The following NOX5 variants were observed in gnomAD, a reference collection of about 807,000 sequenced individuals.
NOX5 encodes NADPH oxidase 5, also known as NADPH oxidase, EF-hand calcium binding domain 5.
A neutral mutation model predicts 85.7 loss-of-function variants in NOX5; 76 were observed. That is an observed-to-expected ratio of 0.89 (90% CI 0.74 to 1.07). The LOEUF is 1.07. Ranked by LOEUF, NOX5 falls within the 50% of genes least tolerant of loss-of-function variation. The pLI, the probability that NOX5 is intolerant of heterozygous loss-of-function variation, is 0.00. For synonymous variants in NOX5, 405 were observed against 401.4 expected, an observed-to-expected ratio of 1.01 and a Z score of -0.11; for missense variants, 973 against 999.5, an observed-to-expected ratio of 0.97 and a Z score of 0.36.
chr15:69,039,040 C>A, intron 9 of NOX5, 51 bp downstream of exon 9: 1 of 1,598,242 alleles, frequency 6.3e-7, no homozygotes, highest in Non-Finnish European at 8.6e-7. Flanking sequence ...GAGTTCCTAC[C>A]GTGGGCCAAG....
At chr15:69,033,676 G>GT (rs113163030) in intron 5 of NOX5, among the ~76,000 whole-genome samples, 4,613 of 134,952 alleles carry the variant, frequency 0.034, 214 homozygotes, top group East Asian at 0.18. Context: ...TCTAAGAGGT[G>GT]TTTTTTTTTT....
At chr15:69,054,798 C>A (rs2050790340) in intron 14 of NOX5, among the ~76,000 whole-genome samples, 2 of 152,172 alleles carry the variant, frequency 1.3e-5, no homozygotes, top group African/African-American at 4.8e-5. Context: ...TCCAAATTAC[C>A]TTTTCATGTG....
In NOX5 at chr15:69,044,012, C is replaced by T. The variant is rs537920573; in HGVS notation, c.1647+1207C>T. On this transcript the variant is annotated intron_variant, in intron 10 of 15. Coordinates refer to ENST00000388866, the MANE Select transcript of NOX5 (RefSeq NM_024505.4). ...CATCCTGGCCAACATGGTGAAACCA[C>T]GTCTCTACTAAAAACACAAAAATTA... is the stretch of plus-strand genomic sequence containing the variant. Among the ~76,000 whole-genome samples, 11 of 152,210 alleles carry T rather than the reference C, an allele frequency of 7.2e-5. No individual in the cohort carries two copies. The East Asian group carries it at 1.2e-3, about 16-fold the overall frequency.
At chr15:69,035,615 G>A (rs1411389477) in intron 6 of NOX5, 108 bp downstream of exon 6, 3 of 1,551,364 alleles carry the variant, frequency 1.9e-6, no homozygotes, top group African/African-American at 1.4e-5. Context: ...GGCAGAGAAG[G>A]GGTGCCCTGG....
chr15:69,036,083 T>C, intron 7 of NOX5, 147 bp downstream of exon 7: 1 of 1,119,600 alleles, frequency 8.9e-7, no homozygotes, highest in Non-Finnish European at 1.2e-6. Context: ...CCTGCTGCTG[T>C]GTTCTGCCAC....
chr15:69,046,719 C>A, intron 10 of NOX5, 103 bp from the exon 11 acceptor site: 1 of 1,101,970 alleles, frequency 9.1e-7, no homozygotes, highest in Non-Finnish European at 1.3e-6. Context: ...AAAGCAATTC[C>A]CTTTTTATAA....
At chr15:69,045,572 C>CCTTTCTTTCTTTTCTTT (rs2050659335) in intron 10 of NOX5, among the ~76,000 whole-genome samples, 1 of 10,462 alleles carries the variant, frequency 9.6e-5, no homozygotes, top group Non-Finnish European at 2.3e-4. Flanking sequence ...TTCTTTCTTC[C>CCTTTCTTTCTTTTCTTT]CTTTCTTTCT....
At chr15:69,020,308 T>C (rs2050281628) in intron 1 of NOX5, among the ~76,000 whole-genome samples, 1 of 152,336 alleles carries the variant, frequency 6.6e-6, no homozygotes, top group South Asian at 2.1e-4. Context: ...CATATGCAGA[T>C]CTACAGATCA....
chr15:69,034,838 G>A (rs2050490615), intron 5 of NOX5, among the ~76,000 whole-genome samples: 2 of 152,242 alleles, frequency 1.3e-5, no homozygotes, highest in East Asian at 3.9e-4. Context: ...AAACGCCTGG[G>A]CTCAAGCAAT....
Position 69,060,193 on chromosome 15 carries a change from A to G in NOX5, c.*3497A>G, listed in dbSNP as rs1225057334. 6.6e-6 allele frequency: 1 copy of G among 152,288 alleles called. No individual in the cohort carries two copies. The highest frequency in any genetic ancestry group is 1.5e-5 in the Non-Finnish European group (1 of 68,094). The allele number at this position is 152,288 out of a possible 1,614,324, so 9.4% of individuals were successfully genotyped here. A position where few individuals can be genotyped will look rare whatever the true frequency, so the allele number is the denominator to read the frequency against. ...AGGGCCCTCCTGGACGAGCGGCACA[A>G]GTGCAGGCTATTAATACACTGAGCT... On this transcript the variant is annotated 3_prime_UTR_variant, in exon 16 of 16. Coordinates refer to ENST00000388866, the MANE Select transcript of NOX5 (RefSeq NM_024505.4).
chr15:69,037,666 A>C (rs577225680), intron 8 of NOX5: 1 of 156,674 alleles, frequency 6.4e-6, no homozygotes, highest in Admixed American at 6.3e-5. Context: ...ATGCCATATC[A>C]GGGTTTTGAG....
chr15:69,047,439 C>G lies in NOX5; in HGVS notation c.1719C>G (p.Thr573=), dbSNP rs747219195. The G allele has an allele frequency of 1.9e-6, 3 of 1,613,674 alleles. No individual in the cohort carries two copies. The Admixed American group carries it at 5.0e-5, about 27-fold the overall frequency. The part of the protein sequence containing the change: ...IKCYIDGPYG[T]PTRRIFASEH... The stretch of plus-strand genomic sequence containing the variant: ...GCTACATCGATGGGCCTTATGGGAC[C>G]CCCACCCGCAGGATCTTTGCCTCTG... The change falls in exon 12 of 16, where the codon ACC becomes ACG. Residue 573 remains threonine (T), a synonymous_variant. Coordinates refer to ENST00000388866, the MANE Select transcript of NOX5 (RefSeq NM_024505.4).
Position 69,033,062 on chromosome 15 carries a change from GCCCCCGC to G in NOX5, c.650_656del (p.Pro217HisfsTer9), listed in dbSNP as rs755689901. The G allele has an allele frequency of 1.3e-6, 2 of 1,553,180 alleles. No individual in the cohort carries two copies. The highest frequency in any genetic ancestry group is 1.7e-6 in the Non-Finnish European group (2 of 1,163,902). ...TCGCAGCGCTGCCCACTGGCTGACGGCCCCCGCCCCCCGCCCACGCCCGCGCCGGCCG... is the reference window on the plus strand; with the variant it reads ...TCGCAGCGCTGCCCACTGGCTGACGGCCCCCGCCCACGCCCGCGCCGGCCG... On this transcript the variant is annotated frameshift_variant, in exon 5 of 16. Transcript: ENST00000388866. LOFTEE classifies it high-confidence loss of function.
At chr15:69,017,239 C>T (rs553268903) in intron 1 of NOX5, among the ~76,000 whole-genome samples, 22 of 152,184 alleles carry the variant, frequency 1.4e-4, no homozygotes, top group Middle Eastern at 3.4e-3. Context: ...ACAACCTCCA[C>T]CTCCTGGGCT....
chr15:69,027,491 C>A (rs1240673352), intron 2 of NOX5, among the ~76,000 whole-genome samples: 1 of 152,012 alleles, frequency 6.6e-6, no homozygotes, highest in Non-Finnish European at 1.5e-5. Context: ...TACTTGTGAA[C>A]CCCTCATAGT....
At chr15:69,027,537 T>A (rs1567095044) in intron 2 of NOX5, among the ~76,000 whole-genome samples, 1 of 151,944 alleles carries the variant, frequency 6.6e-6, no homozygotes. Context: ...CACAGGGTCC[T>A]CCCCCTGCCT....
At chr15:69,044,011 A>C (rs150704290) in intron 10 of NOX5, among the ~76,000 whole-genome samples, 11 of 152,188 alleles carry the variant, frequency 7.2e-5, no homozygotes, top group African/African-American at 2.4e-4. Context: ...TGGTGAAACC[A>C]CGTCTCTACT....
At chr15:69,033,891 A>G (rs2050477516) in intron 5 of NOX5, among the ~76,000 whole-genome samples, 1 of 151,514 alleles carries the variant, frequency 6.6e-6, no homozygotes. Context: ...ATGGGGTTTC[A>G]CCATTTTGGC....
chr15:69,033,797 C>T (rs546055117), intron 5 of NOX5, among the ~76,000 whole-genome samples: 5 of 149,440 alleles, frequency 3.3e-5, no homozygotes, highest in South Asian at 2.1e-4. Context: ...CGGGTTCAAG[C>T]GATCCTCCTG....
Sources: gnomAD v4.1 joint callset for allele counts (sites outside exome capture counted in the v4.1 genomes callset) on GRCh38, gnomAD v4.1.1 for gene constraint, MANE v1.5 for transcripts, NCBI Gene and HGNC (gene_info 2026-07-23, HGNC 2026-07-21) for gene names.